The following ARHGEF18 variants were observed in gnomAD, a reference collection of about 807,000 sequenced individuals.
ARHGEF18 encodes Rho/Rac guanine nucleotide exchange factor 18.
A neutral mutation model predicts 155.7 loss-of-function variants in ARHGEF18; 93 were observed. The ratio of observed to expected loss-of-function variants is 0.60; its 90% CI spans 0.50 to 0.71. The LOEUF is 0.71. ARHGEF18 is among the 30% of genes least tolerant of loss of function. ARHGEF18 has a pLI of 0.00. For missense variants in ARHGEF18, 1,593 were observed against 1,816.1 expected, an observed-to-expected ratio of 0.88 and a Z score of 2.23; for synonymous variants, 742 against 753.1, an observed-to-expected ratio of 0.99 and a Z score of 0.24.
At position 7,462,817 on chromosome 19, in the gene ARHGEF18, CTCTT is replaced by C. The variant is rs971185184; in HGVS notation, c.2635+489_2635+492del. Among the ~76,000 whole-genome samples, 2 of 149,108 alleles carry C rather than the reference CTCTT, an allele frequency of 1.3e-5. No homozygotes were observed. The highest frequency in any genetic ancestry group is 2.1e-4 in the South Asian group (1 of 4,684). ...GAGCAGGCAGTCAGCGCCCAGTCTG[CTCTT>C]TCTTTTTTTCTTTTCTTTTTTTTTT... is the stretch of plus-strand genomic sequence containing the variant. On this transcript the variant is annotated intron_variant, in intron 21 of 28. Coordinates refer to ENST00000668164, the MANE Select transcript of ARHGEF18 (RefSeq NM_001367823.1). The surrounding 1 kb of genome is among the most constrained non-coding windows in gnomAD (Gnocchi z 4.4).
In ARHGEF18 at chr19:7,469,905, G is replaced by A. The variant is rs201189822; in HGVS notation, c.3789G>A (p.Ala1263=). ...GCCCAAATACCTTCTCTCTTCCAGC[G>A]TCCTTCGACCTGAAGCAGCAGCTGC... ...SRGSQRWESS[A]SFDLKQQLLL... is the part of the protein sequence containing the mutation. Residue 1263 remains alanine, a splice_region_variant and synonymous_variant, in exon 28 of 29, where the codon GCG becomes GCA. Coordinates refer to ENST00000668164, the MANE Select transcript of ARHGEF18 (RefSeq NM_001367823.1). 95 of 1,612,768 alleles carry A rather than the reference G, an allele frequency of 5.9e-5. No individual in the cohort carries two copies. The highest frequency in any genetic ancestry group is 7.2e-5 in the Non-Finnish European group (85 of 1,179,810).
At chr19:7,368,872 A>C (rs1227165922) in intron 2 of ARHGEF18, among the ~76,000 whole-genome samples, 1 of 152,106 alleles carries the variant, frequency 6.6e-6, no homozygotes, top group Non-Finnish European at 1.5e-5. Flanking sequence ...GCTCTTTAGA[A>C]AGAGACTGAA....
In ARHGEF18 at chr19:7,462,059, C is replaced by T. The variant is rs1976300181; in HGVS notation, c.2453-93C>T. Reference sequence around the variant, plus strand: ...GCAGCCTACCTCAGGGCAGGGCCAGCGGGGTTCCTCATCCTTAGGCCAGTC... The same window carrying T: ...GCAGCCTACCTCAGGGCAGGGCCAGTGGGGTTCCTCATCCTTAGGCCAGTC... On this transcript the variant is annotated intron_variant, in intron 20 of 28. Transcript: ENST00000668164. This position sits in a 1 kb window ranked among gnomAD's most constrained non-coding sequence, Gnocchi z 4.4. The T allele has an allele frequency of 4.0e-6, 6 of 1,487,094 alleles. No homozygotes were observed. Among genetic ancestry groups the T allele is most frequent in the Admixed American group, 3.4e-5 (2 of 58,350 alleles). The allele number at this position is 1,487,094 out of a possible 1,614,324, so 92.1% of individuals were successfully genotyped here.
intron 10 of ARHGEF18, among the ~76,000 whole-genome samples, chr19:7,418,948 T>A (rs1973167497): frequency 6.6e-6 from 1 of 151,818 alleles, no homozygotes; most frequent in Non-Finnish European, 1.5e-5. Context: ...CTCCCTTCAT[T>A]TCTGCATTGC....
chr19:7,349,840 T>TG, intron 1 of ARHGEF18, among the ~76,000 whole-genome samples: 1 of 152,012 alleles, frequency 6.6e-6, no homozygotes, highest in Admixed American at 6.6e-5. Context: ...ATGGGGGAGC[T>TG]GGGGCAAAGG....
Position 7,462,059 on chromosome 19 carries a change from C to A in ARHGEF18, c.2453-93C>A. 6.7e-7 allele frequency: 1 copy of A among 1,487,090 alleles called. No homozygotes were observed. The allele number at this position is 1,487,090 out of a possible 1,614,324, so 92.1% of individuals were successfully genotyped here. A position where few individuals can be genotyped will look rare whatever the true frequency, so the allele number is the denominator to read the frequency against. ...GCAGCCTACCTCAGGGCAGGGCCAG[C>A]GGGGTTCCTCATCCTTAGGCCAGTC... On this transcript the variant is annotated intron_variant, in intron 20 of 28. Transcript: ENST00000668164. This position sits in a 1 kb window ranked among gnomAD's most constrained non-coding sequence, Gnocchi z 4.4.
chr19:7,367,525 T>A (rs572166858), intron 2 of ARHGEF18, among the ~76,000 whole-genome samples: 3 of 151,864 alleles, frequency 2.0e-5, no homozygotes, highest in African/African-American at 7.2e-5. Flanking sequence ...GGCAGGCAGA[T>A]CACCTGAGGT....
At chr19:7,474,787 C>T (rs996537136), downstream of ARHGEF18, among the ~76,000 whole-genome samples, 1 of 96,446 alleles carries the variant, frequency 1.0e-5, no homozygotes, top group Non-Finnish European at 1.9e-5. Context: ...GTGTGTGTCT[C>T]CCCCCACCCT....
At chr19:7,449,521 T>C (rs765286406) in intron 15 of ARHGEF18, among the ~76,000 whole-genome samples, 6 of 152,106 alleles carry the variant, frequency 3.9e-5, no homozygotes, top group Non-Finnish European at 7.4e-5. Flanking sequence ...TGCAGTGAGC[T>C]GAGATCACAC....
At position 7,362,069 on chromosome 19, in the gene ARHGEF18, AGG is replaced by A. The variant is rs1969608408; in HGVS notation, c.-110-711_-110-710del. On this transcript the variant is annotated intron_variant, in intron 1 of 28. Coordinates refer to ENST00000668164, the MANE Select transcript of ARHGEF18 (RefSeq NM_001367823.1). ...AAGGAGAAGGAGAAGGAGAAGGAGA[AGG>A]AGAAGGAGAAGGAGAAGGAGAAGGA... Among the ~76,000 whole-genome samples the A allele has an allele frequency of 6.7e-5, 2 of 29,828 alleles. 1 individual carries two copies. The highest frequency in any genetic ancestry group is 5.3e-4 in the African/African-American group (2 of 3,808). 19.6% of individuals were successfully genotyped at this position (29,828 alleles called of 152,430 possible).
At chr19:7,445,045 G>T (rs887594046) in intron 14 of ARHGEF18, among the ~76,000 whole-genome samples, 1 of 152,170 alleles carries the variant, frequency 6.6e-6, no homozygotes, top group Non-Finnish European at 1.5e-5. Context: ...CCTAAATTAG[G>T]CAGTGTCCCT....
chr19:7,458,471 G>A (rs760198833), intron 18 of ARHGEF18, 41 bp from the exon 19 acceptor site: 4 of 1,587,864 alleles, frequency 2.5e-6, no homozygotes, highest in Middle Eastern at 1.7e-4. Flanking sequence ...TGGGTGCTGT[G>A]GGGTAAAGGG....
In ARHGEF18 at chr19:7,468,880, G is replaced by A. The variant is rs762165676; in HGVS notation, c.3536G>A (p.Arg1179His). 199 of 1,575,670 alleles carry A rather than the reference G, an allele frequency of 1.3e-4. No individual in the cohort carries two copies. Among genetic ancestry groups the A allele is most frequent in the Non-Finnish European group, 1.6e-4 (188 of 1,160,432 alleles). Residue 1179 changes from arginine (R) to histidine (H), a missense_variant, in exon 27 of 29, where the codon CGT becomes CAT. Coordinates refer to ENST00000668164, the MANE Select transcript of ARHGEF18 (RefSeq NM_001367823.1). ...AACGGGGAAGGGCTGGAGGGCCCTC[G>A]TGTGAGCATGCTGCCATCCGGCGTG... is the stretch of plus-strand genomic sequence containing the variant. ...SFNGEGLEGP[R>H]VSMLPSGVGP...
intron 2 of ARHGEF18, among the ~76,000 whole-genome samples, chr19:7,363,985 A>C (rs926877993): frequency 2.3e-4 from 34 of 150,756 alleles, no homozygotes; most frequent in Non-Finnish European, 3.4e-4. Flanking sequence ...GGATGAGTAG[A>C]AGGGTGAGAG....
chr19:7,410,034 C>T (rs569359960), intron 10 of ARHGEF18, among the ~76,000 whole-genome samples: 8 of 151,108 alleles, frequency 5.3e-5, no homozygotes, highest in Admixed American at 5.3e-4. Flanking sequence ...GTGATCCACC[C>T]GCCTTGGCCT....
intron 6 of ARHGEF18, among the ~76,000 whole-genome samples, 198 bp from the exon 7 acceptor site, chr19:7,378,924 C>T (rs1318666581): frequency 6.6e-6 from 1 of 152,032 alleles, no homozygotes. Context: ...AACCCCTGAC[C>T]TCAGGTGATC....
At chr19:7,404,067 C>CA (rs879300029) in intron 10 of ARHGEF18, among the ~76,000 whole-genome samples, 9,203 of 126,376 alleles carry the variant, frequency 0.073, 828 homozygotes, top group African/African-American at 0.21. Context: ...GACTCCGTCT[C>CA]AAAAAAAAAA....
chr19:7,439,162 C>T (rs1314695093), intron 10 of ARHGEF18, among the ~76,000 whole-genome samples: 3 of 151,968 alleles, frequency 2.0e-5, no homozygotes, highest in African/African-American at 7.2e-5. Context: ...AGATTACAGG[C>T]GTGAGCCACC....
intron 10 of ARHGEF18, among the ~76,000 whole-genome samples, chr19:7,417,503 G>C (rs970939237): frequency 6.6e-6 from 1 of 152,146 alleles, no homozygotes; most frequent in Non-Finnish European, 1.5e-5. Context: ...TTGGAGAGCA[G>C]CCTGGCCAAC....
Sources: allele counts gnomAD v4.1 joint callset (sites outside exome capture counted in the v4.1 genomes callset), GRCh38; gene constraint gnomAD v4.1.1; non-coding constraint Gnocchi (gnomAD v3.1); transcripts MANE v1.5; gene names NCBI Gene and HGNC (gene_info 2026-07-23, HGNC 2026-07-21).